TBC1D16: variants seen among roughly 807,000 people sequenced by gnomAD.
TBC1D16 encodes the protein CTD-2529O21.1.
A neutral mutation model predicts 74.7 loss-of-function variants in TBC1D16; 58 were observed. The observed-to-expected ratio is 0.78, with a 90% CI of 0.63 to 0.97. The LOEUF (loss-of-function observed/expected upper bound fraction) is 0.97, where lower values mean the gene tolerates loss of function less well. TBC1D16 is among the 50% of genes least tolerant of loss of function. The pLI is 0.00. For missense variants in TBC1D16, 1,014 were observed against 1,079.5 expected (o/e 0.94, Z 0.85); for synonymous variants, 493 against 474.7 (o/e 1.04, Z -0.50).
chr17:80,015,696 A>C (rs549132957), intron 1 of TBC1D16, among the ~76,000 whole-genome samples: 2 of 152,262 alleles, frequency 1.3e-5, no homozygotes, highest in South Asian at 2.1e-4. Context: ...GGTACAGTGG[A>C]ATATTATTTG....
In TBC1D16 at chr17:79,951,704, G is replaced by GA. The variant is rs899878167; in HGVS notation, c.942-108dup. ...CCACTGTCGCCAACCTCAGAAGCAG[G>GA]AAACAGTGAGTCCCAGTGGAGTTGG... On this transcript the variant is annotated intron_variant, in intron 4 of 11. Transcript: ENST00000310924. 37 of 1,325,436 alleles carry GA rather than the reference G, an allele frequency of 2.8e-5. No individual in the cohort carries two copies. In the Admixed American group the frequency reaches 7.2e-4, roughly 26 times the overall value. The allele number at this position is 1,325,436 out of a possible 1,614,324, so 82.1% of individuals were successfully genotyped here.
chr17:79,932,689 T>C lies in TBC1D16; in HGVS notation c.*8170A>G, dbSNP rs1466833991. On this transcript the variant is annotated 3_prime_UTR_variant, in exon 12 of 12. Coordinates refer to ENST00000310924, the MANE Select transcript of TBC1D16 (RefSeq NM_019020.4). ...ACTTTGGACAGACAATCAGTAGACTTTGGGTGTGGCCTTGGTGAAGGCTTC... is the reference window on the plus strand; with the variant it reads ...ACTTTGGACAGACAATCAGTAGACTCTGGGTGTGGCCTTGGTGAAGGCTTC... 6.6e-5 allele frequency: 10 copies of C among 152,236 alleles called. No homozygotes were observed. The highest frequency in any genetic ancestry group is 2.4e-4 in the African/African-American group (10 of 41,452). 9.4% of individuals were successfully genotyped at this position (152,236 alleles called of 1,614,324 possible).
chr17:79,959,115 A>C (rs2033478999), intron 3 of TBC1D16, among the ~76,000 whole-genome samples: 1 of 152,276 alleles, frequency 6.6e-6, no homozygotes, highest in African/African-American at 2.4e-5. Flanking sequence ...CACAATTGGA[A>C]CATGAAATAA....
At chr17:80,032,453 C>T (rs902842385) in intron 1 of TBC1D16, among the ~76,000 whole-genome samples, 2 of 152,122 alleles carry the variant, frequency 1.3e-5, no homozygotes, top group African/African-American at 4.8e-5. Context: ...TTCTCTCATC[C>T]TTTGAGGATG....
At chr17:79,970,200 G>T (rs2034022202) in intron 3 of TBC1D16, among the ~76,000 whole-genome samples, 1 of 152,178 alleles carries the variant, frequency 6.6e-6, no homozygotes, top group Admixed American at 6.6e-5. Flanking sequence ...CGTGTTCTAT[G>T]ATTTCATTTA....
chr17:79,987,747 G>A lies in TBC1D16; in HGVS notation c.779+22413C>T, dbSNP rs113681450. Among the ~76,000 whole-genome samples the A allele has an allele frequency of 1.6e-4, 24 of 152,192 alleles. 1 individual carries two copies. Among genetic ancestry groups the A allele is most frequent in the African/African-American group, 5.8e-4 (24 of 41,520 alleles). Reference sequence around the variant, plus strand: ...CAGGGAGCTGGTTCTCAGGGAAAAGGGAATTAAGTCAGTACTGGGAGATTT... The same window carrying A: ...CAGGGAGCTGGTTCTCAGGGAAAAGAGAATTAAGTCAGTACTGGGAGATTT... On this transcript the variant is annotated intron_variant, in intron 3 of 11. Transcript: ENST00000310924. This position sits in a 1 kb window ranked among gnomAD's most constrained non-coding sequence, Gnocchi z 5.2.
chr17:79,971,581 T>C lies in TBC1D16; in HGVS notation c.780-18763A>G, dbSNP rs181953594. Reference sequence around the variant, plus strand: ...GTTGCTGGTAGACACCATTTTGGAATAATGGCTCAGGGGCAATTAGAAAAG... The same window carrying C: ...GTTGCTGGTAGACACCATTTTGGAACAATGGCTCAGGGGCAATTAGAAAAG... On this transcript the variant is annotated intron_variant, in intron 3 of 11. Transcript: ENST00000310924. The surrounding 1 kb of genome is among the most constrained non-coding windows in gnomAD (Gnocchi z 4.6). Among the ~76,000 whole-genome samples the C allele has an allele frequency of 6.6e-6, 1 of 152,172 alleles. No individual in the cohort carries two copies. Among genetic ancestry groups the C allele is most frequent in the Non-Finnish European group, 1.5e-5 (1 of 68,032 alleles).
Position 80,035,165 on chromosome 17 carries a change from A to G in TBC1D16, c.-63+630T>C, listed in dbSNP as rs901616909. Among the ~76,000 whole-genome samples, 2 of 151,926 alleles carry G rather than the reference A, an allele frequency of 1.3e-5. No individual in the cohort carries two copies. The highest frequency in any genetic ancestry group is 4.8e-5 in the African/African-American group (2 of 41,354). On this transcript the variant is annotated intron_variant, in intron 1 of 11. Coordinates refer to ENST00000310924, the MANE Select transcript of TBC1D16 (RefSeq NM_019020.4). This position sits in a 1 kb window ranked among gnomAD's most constrained non-coding sequence, Gnocchi z 5.3. Reference sequence around the variant, plus strand: ...TCAGCGGCTTCCGGCAGGATCCCCTAGGTTATGTTTAGCAATCTTCAGTTG... The same window carrying G: ...TCAGCGGCTTCCGGCAGGATCCCCTGGGTTATGTTTAGCAATCTTCAGTTG...
intron 3 of TBC1D16, among the ~76,000 whole-genome samples, chr17:79,959,407 T>A (rs1035903833): frequency 1.3e-5 from 2 of 152,084 alleles, no homozygotes; most frequent in African/African-American, 4.8e-5. Context: ...ACCCTAAAAT[T>A]TGGAGCTAGT....
At chr17:79,998,886 G>C (rs1458853964) in intron 3 of TBC1D16, among the ~76,000 whole-genome samples, 1 of 152,018 alleles carries the variant, frequency 6.6e-6, no homozygotes, top group African/African-American at 2.4e-5. Context: ...ATTTTTAAAT[G>C]TTGAAAAAAA....
chr17:79,959,213 C>T (rs2033483330), intron 3 of TBC1D16, among the ~76,000 whole-genome samples: 2 of 152,150 alleles, frequency 1.3e-5, no homozygotes, highest in South Asian at 4.1e-4. Flanking sequence ...GAACGTCATA[C>T]TGAAAAACAC....
Position 79,986,354 on chromosome 17 carries a change from TAG to T in TBC1D16, c.779+23804_779+23805del, listed in dbSNP as rs1320333336. Among the ~76,000 whole-genome samples the T allele has an allele frequency of 1.3e-5, 2 of 152,240 alleles. No homozygotes were observed. Among genetic ancestry groups the T allele is most frequent in the Non-Finnish European group, 2.9e-5 (2 of 68,042 alleles). ...CGCAAGGTGATCTCTGAGCACCTCT[TAG>T]ACAGAAGTCTGGGCAGACGCAAATG... On this transcript the variant is annotated intron_variant, in intron 3 of 11. Coordinates refer to ENST00000310924, the MANE Select transcript of TBC1D16 (RefSeq NM_019020.4). The surrounding 1 kb of genome is among the most constrained non-coding windows in gnomAD (Gnocchi z 6.0).
intron 3 of TBC1D16, chr17:79,992,832 G>A (rs1452300710): frequency 2.0e-5 from 3 of 152,308 alleles, no homozygotes; most frequent in Non-Finnish European, 2.9e-5. Context: ...AGAGCCCCTC[G>A]GGGAAAGCCT....
intron 10 of TBC1D16, among the ~76,000 whole-genome samples, chr17:79,943,136 G>A (rs1197122207): frequency 6.6e-6 from 1 of 152,250 alleles, no homozygotes; most frequent in African/African-American, 2.4e-5. Flanking sequence ...CATGAGGGCA[G>A]AGGCTACAGG....
rs979899941 is a variant in TBC1D16, at chr17:79,939,449, C to T, written c.*1410G>A. The T allele has an allele frequency of 3.3e-5, 5 of 152,226 alleles. No individual in the cohort carries two copies. Among genetic ancestry groups the T allele is most frequent in the Admixed American group, 1.3e-4 (2 of 15,286 alleles). The allele number at this position is 152,226 out of a possible 1,614,324, so 9.4% of individuals were successfully genotyped here. On this transcript the variant is annotated 3_prime_UTR_variant, in exon 12 of 12. Transcript: ENST00000310924. ...GCATGGCCCAGCAGTGCCCACCCTC[C>T]AGGGAGAAAAGCTTTGAGTGGGAAG... is the stretch of plus-strand genomic sequence containing the variant.
At chr17:80,016,105 C>T (rs761238091) in intron 1 of TBC1D16, among the ~76,000 whole-genome samples, 6 of 151,950 alleles carry the variant, frequency 3.9e-5, no homozygotes, top group Non-Finnish European at 4.4e-5. Flanking sequence ...GAAAGTCTGA[C>T]GCCTGCTACA....
Position 79,949,797 on chromosome 17 carries a change from G to T in TBC1D16, c.1326C>A (p.Tyr442Ter). The change falls in exon 7 of 12, where the codon TAC becomes TAA. Residue 442 changes from tyrosine (Y) to a stop codon, truncating the protein, a stop_gained. Coordinates refer to ENST00000310924, the MANE Select transcript of TBC1D16 (RefSeq NM_019020.4). LOFTEE classifies it high-confidence loss of function. ...GEVWPFLLRYYSHESTSEERE... is the reference protein window; with the variant it reads ...GEVWPFLLRY The stretch of plus-strand genomic sequence containing the variant: ...GCTCCTCCGACGTGGACTCGTGGCT[G>T]TAATAGCGCAGCAGGAAGGGCCAGA... The T allele has an allele frequency of 6.2e-7, 1 of 1,613,870 alleles. No individual in the cohort carries two copies. Among genetic ancestry groups the T allele is most frequent in the East Asian group, 2.2e-5 (1 of 44,872 alleles).
intron 4 of TBC1D16, chr17:79,952,172 A>G (rs2033092629): frequency 6.4e-6 from 1 of 155,948 alleles, no homozygotes; most frequent in South Asian, 2.0e-4. Context: ...CTCATTGGTG[A>G]TGTCTGCGGC....
rs1002442984 is a variant in TBC1D16 at position 80,016,241 on chromosome 17, G to A, written c.-62-2632C>T. Among the ~76,000 whole-genome samples, 11 of 151,898 alleles carry A rather than the reference G, an allele frequency of 7.2e-5. 1 individual carries two copies. Among genetic ancestry groups the A allele is most frequent in the Admixed American group, 7.2e-4 (11 of 15,234 alleles). On this transcript the variant is annotated intron_variant, in intron 1 of 11. Coordinates refer to ENST00000310924, the MANE Select transcript of TBC1D16 (RefSeq NM_019020.4). ...GGTTCACAGAGACAGGAAGTGGAAT[G>A]GTGGGTGCCAGGGGGTGAGGTGGGG... is the stretch of plus-strand genomic sequence containing the variant.
Sources: allele counts gnomAD v4.1 joint callset (sites outside exome capture counted in the v4.1 genomes callset), GRCh38; gene constraint gnomAD v4.1.1; non-coding constraint Gnocchi (gnomAD v3.1); transcripts MANE v1.5; gene names NCBI Gene and HGNC (gene_info 2026-07-23, HGNC 2026-07-21).